The following BAIAP3 variants were observed in gnomAD, a reference collection of about 807,000 sequenced individuals.
BAIAP3 encodes BAI1-associated protein 3.
In BAIAP3, 180 loss-of-function variants were observed where a neutral mutation model predicts 149.7. The ratio of observed to expected loss-of-function variants is 1.20; its 90% CI spans 1.07 to 1.36. The LOEUF (loss-of-function observed/expected upper bound fraction) is 1.36, where lower values mean the gene tolerates loss of function less well. BAIAP3 is among the 40% of genes most tolerant of loss of function. The pLI is 0.00. For synonymous variants in BAIAP3, 845 were observed against 670.7 expected (o/e 1.26, Z -4.02); for missense variants, 1,767 against 1,563.4 (o/e 1.13, Z -2.20).
chr16:1,343,535 T>A (rs1438019709), intron 15 of BAIAP3, 22 bp downstream of exon 15: 1 of 1,603,758 alleles, frequency 6.2e-7, no homozygotes, highest in Non-Finnish European at 8.5e-7. Context: ...CGGGACCTTC[T>A]TGCCAGCCAT....
Position 1,344,078 on chromosome 16 carries a change from G to T in BAIAP3, c.1443G>T (p.Leu481=). 6.2e-7 allele frequency: 1 copy of T among 1,612,258 alleles called. No individual in the cohort carries two copies. Residue 481 remains leucine (L), a synonymous_variant, in exon 16 of 34, where the codon CTG becomes CTT. Coordinates refer to ENST00000426824, the MANE Select transcript of BAIAP3 (RefSeq NM_001199097.2). ...TCTCTGAGTTCGGGCTGCAGCTGCT[G>T]CGCCAGCTCCGAGACTACTTCCCTG... ...SAFSEFGLQL[L]RQLRDYFPAT...
intron 1 of BAIAP3, chr16:1,334,659 G>A (rs960092004): frequency 6.5e-7 from 1 of 1,549,990 alleles, no homozygotes; most frequent in Non-Finnish European, 8.7e-7. Flanking sequence ...GGGTTCGACT[G>A]GAATGAGACC....
At chr16:1,343,201 G>A (rs1031116766) in intron 14 of BAIAP3, 185 bp downstream of exon 14, 5 of 1,093,482 alleles carry the variant, frequency 4.6e-6, no homozygotes, top group African/African-American at 3.1e-5. Context: ...GGGTAGGTGA[G>A]GCAGCGAAAG....
Position 1,348,723 on chromosome 16 carries a change from C to G in BAIAP3, c.*241C>G. 3.4e-6 allele frequency: 2 copies of G among 582,408 alleles called. No individual in the cohort carries two copies. The highest frequency in any genetic ancestry group is 2.9e-5 in the East Asian group (1 of 34,678). The allele number at this position is 582,408 out of a possible 1,614,324, so 36.1% of individuals were successfully genotyped here. On this transcript the variant is annotated 3_prime_UTR_variant, in exon 34 of 34. Coordinates refer to ENST00000426824, the MANE Select transcript of BAIAP3 (RefSeq NM_001199097.2). ...CAACTTGGCAGGACTTGGCCAGCAG[C>G]TGCCCAGGACACAGTGCAGGCCAGA...
In BAIAP3 at chr16:1,345,267, C is replaced by T. The variant is rs761481606; in HGVS notation, c.1959C>T (p.Ala653=). 5 of 1,613,112 alleles carry T rather than the reference C, an allele frequency of 3.1e-6. No homozygotes were observed. Among genetic ancestry groups the T allele is most frequent in the East Asian group, 4.5e-5 (2 of 44,874 alleles). ...ACCACAGGGACAGCCGCTCTCTGGCCCTGGCTGGCATCCACGCCCCCTTCC... is the reference window on the plus strand; with the variant it reads ...ACCACAGGGACAGCCGCTCTCTGGCTCTGGCTGGCATCCACGCCCCCTTCC... ...SIPGRDSRSL[A]LAGIHAPFLP... The change falls in exon 22 of 34, where the codon GCC becomes GCT. Residue 653 remains alanine (A), a synonymous_variant. Transcript: ENST00000426824.
At chr16:1,345,178 G>A (rs557060696) in intron 21 of BAIAP3, 71 bp from the exon 22 acceptor site, 3 of 1,609,528 alleles carry the variant, frequency 1.9e-6, no homozygotes, top group East Asian at 2.2e-5. Context: ...CGGTCCTGGA[G>A]CTGTGAGCCT....
rs529900567 is a variant in BAIAP3 at position 1,348,000 on chromosome 16, C to A, written c.3132C>A (p.Tyr1044Ter). ...AGACCCGGACGCTGCACCCTGTATA[C>A]GACGAACTCTTCTACTTGTGAGTGT... ...QVKTRTLHPVYDELFYFSVPA... is the reference protein window; with the variant it reads ...QVKTRTLHPV Residue 1044 changes from tyrosine to a stop codon, truncating the protein, a stop_gained, in exon 32 of 34, where the codon TAC (tyrosine) becomes TAA (stop). Transcript: ENST00000426824. LOFTEE classifies it high-confidence loss of function. 6.2e-6 allele frequency: 10 copies of A among 1,609,848 alleles called. No homozygotes were observed. The highest frequency in any genetic ancestry group is 1.3e-5 in the African/African-American group (1 of 75,038).
chr16:1,336,779 C>A (rs1398760515), intron 1 of BAIAP3, among the ~76,000 whole-genome samples: 4 of 152,198 alleles, frequency 2.6e-5, no homozygotes, highest in East Asian at 1.9e-4. Flanking sequence ...GGCGGTAGAA[C>A]CTGCTGGTCT....
Position 1,348,852 on chromosome 16 carries a change from G to C in BAIAP3, c.*370G>C, listed in dbSNP as rs1320109928. The C allele has an allele frequency of 2.6e-6, 1 of 383,072 alleles. No homozygotes were observed. Among genetic ancestry groups the C allele is most frequent in the Admixed American group, 4.2e-5 (1 of 24,076 alleles). 23.7% of individuals were successfully genotyped at this position (383,072 alleles called of 1,614,324 possible). On this transcript the variant is annotated 3_prime_UTR_variant, in exon 34 of 34. Transcript: ENST00000426824. ...CTCCAGGGACTCAGTGAGTGGCTGTGCTCTCTGCACAACGGGCAATGTGCA... is the reference window on the plus strand; with the variant it reads ...CTCCAGGGACTCAGTGAGTGGCTGTCCTCTCTGCACAACGGGCAATGTGCA...
rs1491377397 is a variant in BAIAP3 at position 1,349,437 on chromosome 16, TCA to T, written c.*956_*957del. On this transcript the variant is annotated 3_prime_UTR_variant, in exon 34 of 34. Transcript: ENST00000426824. ...TCAAAAATATATGTGTCTGCAACCCTCAGTCTCTCTGCCGTTTCTTGATTCCT... is the reference window on the plus strand; with the variant it reads ...TCAAAAATATATGTGTCTGCAACCCTGTCTCTCTGCCGTTTCTTGATTCCT... 39 of 1,613,578 alleles carry T rather than the reference TCA, an allele frequency of 2.4e-5. No homozygotes were observed. In the Admixed American group the frequency reaches 5.2e-4, roughly 21 times the overall value.
Position 1,347,298 on chromosome 16 carries a change from G to T in BAIAP3, c.2752G>T (p.Ala918Ser), listed in dbSNP as rs1567173220. 6.2e-7 allele frequency: 1 copy of T among 1,613,034 alleles called. No individual in the cohort carries two copies. The highest frequency in any genetic ancestry group is 1.3e-5 in the African/African-American group (1 of 74,928). The change falls in exon 29 of 34, where the codon GCC becomes TCC. Residue 918 changes from alanine (A) to serine (S), a missense_variant and splice_region_variant. Ala to Ser is a moderately conservative substitution (Grantham distance 99, BLOSUM62 1). Coordinates refer to ENST00000426824, the MANE Select transcript of BAIAP3 (RefSeq NM_001199097.2). ...FYSRFHFTLEALVSFFHAEGQ... is the reference protein window; with the variant it reads ...FYSRFHFTLESLVSFFHAEGQ... ...CCTCTGCCTTCTTTCCCTGCCCCAG[G>T]CCCTGGTCAGTTTTTTCCACGCAGA...
In BAIAP3 at chr16:1,341,851, T is replaced by A. The variant is rs1436065027; in HGVS notation, c.761T>A (p.Leu254Gln). 1.2e-6 allele frequency: 2 copies of A among 1,612,404 alleles called. No homozygotes were observed. The highest frequency in any genetic ancestry group is 2.2e-5 in the South Asian group (2 of 91,040). Residue 254 changes from leucine (L) to glutamine (Q), a missense_variant, in exon 9 of 34, where the codon CTG becomes CAG. Leu to Gln is a moderately radical substitution (Grantham distance 113). Transcript: ENST00000426824. ...ATTGAGGATGTGAGCACGGACCAGC[T>A]GCACCTGGACATCTGGTACAGGCCC... ...FEIEDVSTDQ[L>Q]HLDIWDHDDD... is the part of the protein sequence containing the mutation.
rs2033665685 is a variant in BAIAP3 at position 1,339,003 on chromosome 16, C to T, written c.219+14C>T. The T allele has an allele frequency of 5.0e-6, 8 of 1,612,236 alleles. No individual in the cohort carries two copies. Among genetic ancestry groups the T allele is most frequent in the Non-Finnish European group, 5.9e-6 (7 of 1,179,648 alleles). On this transcript the variant is annotated intron_variant, in intron 3 of 33. Coordinates refer to ENST00000426824, the MANE Select transcript of BAIAP3 (RefSeq NM_001199097.2). ...CCGTGCCTCGAGGTAAGGGTGCCAC[C>T]CCCAGGGCCCGATACCACAGCCCAG...
In BAIAP3 at chr16:1,348,986, T is replaced by G. The variant is rs1596598094; in HGVS notation, c.*504T>G. 3.8e-6 allele frequency: 1 copy of G among 263,978 alleles called. No homozygotes were observed. Among genetic ancestry groups the G allele is most frequent in the Non-Finnish European group, 7.4e-6 (1 of 135,768 alleles). The allele number at this position is 263,978 out of a possible 1,614,324, so 16.4% of individuals were successfully genotyped here. A position where few individuals can be genotyped will look rare whatever the true frequency, so the allele number is the denominator to read the frequency against. On this transcript the variant is annotated 3_prime_UTR_variant, in exon 34 of 34. Coordinates refer to ENST00000426824, the MANE Select transcript of BAIAP3 (RefSeq NM_001199097.2). ...AGAGGGGATGCAAAGGGCAGGTGAG[T>G]CAAGAACCGCATAGGTCTCCAGTCC...
Position 1,347,796 on chromosome 16 carries a change from G to A in BAIAP3, c.3000G>A (p.Ala1000=), listed in dbSNP as rs772799963. Reference sequence around the variant, plus strand: ...TGGCCGTGGAGGTGCTGCACGCCGCGGACCTGCTCCCCCTGGACGCCAACG... The same window carrying A: ...TGGCCGTGGAGGTGCTGCACGCCGCAGACCTGCTCCCCCTGGACGCCAACG... ...QRLAVEVLHA[A]DLLPLDANGL... The change falls in exon 31 of 34, where the codon GCG becomes GCA. Residue 1000 remains alanine (A), a synonymous_variant. Transcript: ENST00000426824. 13 of 1,606,888 alleles carry A rather than the reference G, an allele frequency of 8.1e-6. No homozygotes were observed. Among genetic ancestry groups the A allele is most frequent in the East Asian group, 6.7e-5 (3 of 44,714 alleles).
chr16:1,338,816 C>T (rs2033651408), intron 2 of BAIAP3, 86 bp from the exon 3 acceptor site: 1 of 1,591,046 alleles, frequency 6.3e-7, no homozygotes, highest in Non-Finnish European at 8.6e-7. Flanking sequence ...GTGGATGTCA[C>T]ATGGCCCTTC....
In BAIAP3 at chr16:1,338,812, G is replaced by C; in HGVS notation, c.132-90G>C. 9 of 1,588,654 alleles carry C rather than the reference G, an allele frequency of 5.7e-6. No individual in the cohort carries two copies. The South Asian group carries it at 9.1e-5, about 16-fold the overall frequency. On this transcript the variant is annotated intron_variant, in intron 2 of 33. Transcript: ENST00000426824. Reference sequence around the variant, plus strand: ...CAGTTAGCTGTGCCACACTGTGGATGTCACATGGCCCTTCCTGCCCCTGGA... The same window carrying C: ...CAGTTAGCTGTGCCACACTGTGGATCTCACATGGCCCTTCCTGCCCCTGGA...
At chr16:1,339,667 C>T in intron 5 of BAIAP3, 64 bp downstream of exon 5, 1 of 1,263,236 alleles carries the variant, frequency 7.9e-7, no homozygotes, top group African/African-American at 1.5e-5. Context: ...CTTCCCCACC[C>T]ACTGACACCA....
At chr16:1,334,339 A>G (rs1259078332) in intron 1 of BAIAP3, among the ~76,000 whole-genome samples, 1 of 151,438 alleles carries the variant, frequency 6.6e-6, no homozygotes, top group Non-Finnish European at 1.5e-5. Flanking sequence ...GACACACTAG[A>G]CCCGCCCCCA....
Sources: allele counts gnomAD v4.1 joint callset (sites outside exome capture counted in the v4.1 genomes callset), GRCh38; gene constraint gnomAD v4.1.1; transcripts MANE v1.5; gene names NCBI Gene and HGNC (gene_info 2026-07-23, HGNC 2026-07-21).